NUBPL: variants seen among roughly 807,000 people sequenced by gnomAD.
NUBPL encodes NUBP iron-sulfur cluster assembly factor, mitochondrial, also known as iron-sulfur cluster transfer protein NUBPL.
NUBPL carries 31 observed loss-of-function variants against 45.7 expected under a neutral mutation model. That is an observed-to-expected ratio of 0.68 (90% CI 0.51 to 0.92). NUBPL has a LOEUF of 0.92. NUBPL is among the 40% of genes least tolerant of loss of function. NUBPL has a pLI of 0.00. For synonymous variants in NUBPL, 144 were observed against 140.9 expected, an observed-to-expected ratio of 1.02 and a Z score of -0.15; for missense variants, 401 against 398.7, an observed-to-expected ratio of 1.01 and a Z score of -0.05.
At position 31,617,714 on chromosome 14, in the gene NUBPL, C is replaced by T. The variant is rs116938608; in HGVS notation, c.382+18335C>T. Among the ~76,000 whole-genome samples, 116 of 152,218 alleles carry T rather than the reference C, an allele frequency of 7.6e-4. No homozygotes were observed. The East Asian group carries it at 0.016, about 22-fold the overall frequency. ...TGAGGAATTTCACATCGATGTTCAT[C>T]GGGGATATAGGCTTGAAATTTTCTT... is the stretch of plus-strand genomic sequence containing the variant. On this transcript the variant is annotated intron_variant, in intron 4 of 10. Coordinates refer to ENST00000281081, the MANE Select transcript of NUBPL (RefSeq NM_025152.3).
At chr14:31,595,447 G>A (rs1486433482) in intron 3 of NUBPL, among the ~76,000 whole-genome samples, 1 of 152,152 alleles carries the variant, frequency 6.6e-6, no homozygotes, top group Non-Finnish European at 1.5e-5. Context: ...TTTATCTGTT[G>A]TGTATTTGGT....
intron 6 of NUBPL, among the ~76,000 whole-genome samples, chr14:31,690,506 C>T (rs2037069176): frequency 6.6e-6 from 1 of 152,076 alleles, no homozygotes; most frequent in African/African-American, 2.4e-5. Flanking sequence ...TTAATGTATC[C>T]TCTAGATCAG....
intron 6 of NUBPL, among the ~76,000 whole-genome samples, chr14:31,674,565 C>G (rs139374609): frequency 3.5e-4 from 53 of 152,258 alleles, no homozygotes; most frequent in African/African-American, 1.2e-3. Flanking sequence ...CACCCCATCC[C>G]CACCAATTCC....
chr14:31,649,497 A>G (rs2035943263), intron 4 of NUBPL, among the ~76,000 whole-genome samples: 1 of 152,230 alleles, frequency 6.6e-6, no homozygotes, highest in South Asian at 2.1e-4. Context: ...TAAAATTATA[A>G]ATGATATACG....
intron 6 of NUBPL, among the ~76,000 whole-genome samples, chr14:31,785,257 G>A (rs1278407843): frequency 1.3e-5 from 2 of 152,094 alleles, no homozygotes; most frequent in Non-Finnish European, 2.9e-5. Context: ...TCTAAATCAG[G>A]GACCAAATAA....
intron 6 of NUBPL, among the ~76,000 whole-genome samples, chr14:31,738,823 T>A (rs1020798882): frequency 6.6e-6 from 1 of 152,176 alleles, no homozygotes; most frequent in Non-Finnish European, 1.5e-5. Context: ...AAATTACATT[T>A]TATTGAATAG....
At chr14:31,803,621 C>T (rs117739769) in intron 7 of NUBPL, among the ~76,000 whole-genome samples, 71 of 151,900 alleles carry the variant, frequency 4.7e-4, no homozygotes, top group Non-Finnish European at 7.1e-4. Flanking sequence ...TCAAGCACAC[C>T]GTCTTTCCAT....
intron 6 of NUBPL, among the ~76,000 whole-genome samples, chr14:31,681,743 T>G (rs1278748286): frequency 6.6e-6 from 1 of 152,164 alleles, no homozygotes; most frequent in Non-Finnish European, 1.5e-5. Flanking sequence ...GTGTTTTCAT[T>G]GTCATTCAGT....
chr14:31,785,371 A>G, intron 6 of NUBPL, among the ~76,000 whole-genome samples: 1 of 152,230 alleles, frequency 6.6e-6, no homozygotes, highest in East Asian at 1.9e-4. Context: ...ACAATGGGTT[A>G]GTGAATGAAG....
At chr14:31,859,014 C>T in intron 10 of NUBPL, 104 bp from the exon 11 acceptor site, 1 of 930,946 alleles carries the variant, frequency 1.1e-6, no homozygotes, top group South Asian at 1.4e-5. Flanking sequence ...TCTCACTCAG[C>T]CTTTTTACTA....
intron 7 of NUBPL, among the ~76,000 whole-genome samples, chr14:31,809,149 A>G (rs2039750413): frequency 6.6e-6 from 1 of 152,060 alleles, no homozygotes; most frequent in South Asian, 2.1e-4. Flanking sequence ...GTTAGGGAGG[A>G]TTCCCTCTTT....
At chr14:31,722,469 G>A (rs2037831927) in intron 6 of NUBPL, among the ~76,000 whole-genome samples, 2 of 152,174 alleles carry the variant, frequency 1.3e-5, no homozygotes, top group Non-Finnish European at 2.9e-5. Context: ...TAATGGGATT[G>A]CTGGGTCAAA....
chr14:31,774,898 C>T (rs561033340), intron 6 of NUBPL, among the ~76,000 whole-genome samples: 1 of 152,238 alleles, frequency 6.6e-6, no homozygotes, highest in South Asian at 2.1e-4. Flanking sequence ...CCCTGGAAAC[C>T]AGTCCTCATC....
chr14:31,585,056 C>T (rs1021707462), intron 3 of NUBPL, among the ~76,000 whole-genome samples: 5 of 152,116 alleles, frequency 3.3e-5, no homozygotes, highest in African/African-American at 1.2e-4. Flanking sequence ...ATTCAGTCCA[C>T]AACAGGAGTC....
chr14:31,833,132 C>G (rs952298423), intron 8 of NUBPL, among the ~76,000 whole-genome samples: 1 of 152,068 alleles, frequency 6.6e-6, no homozygotes, highest in Admixed American at 6.5e-5. Flanking sequence ...CTTTGTGAGG[C>G]CGAGGCAGGA....
intron 3 of NUBPL, among the ~76,000 whole-genome samples, chr14:31,566,203 A>G (rs1018267960): frequency 1.3e-5 from 2 of 152,134 alleles, no homozygotes; most frequent in African/African-American, 4.8e-5. Context: ...GTATGTTATC[A>G]GTATATGGAG....
chr14:31,688,274 G>C (rs1365109787), intron 6 of NUBPL, among the ~76,000 whole-genome samples: 8 of 152,090 alleles, frequency 5.3e-5, no homozygotes, highest in African/African-American at 1.7e-4. Flanking sequence ...TGAGTTCGTG[G>C]ACATCATTAA....
At chr14:31,747,198 CGATCTT>C (rs1270960794) in intron 6 of NUBPL, among the ~76,000 whole-genome samples, 1 of 145,342 alleles carries the variant, frequency 6.9e-6, no homozygotes, top group African/African-American at 2.7e-5. Flanking sequence ...TGCAGTGGCA[CGATCTT>C]GGCTTACTGC....
intron 6 of NUBPL, among the ~76,000 whole-genome samples, chr14:31,781,220 A>C (rs138972875): frequency 3.7e-4 from 56 of 152,384 alleles, no homozygotes; most frequent in African/African-American, 1.3e-3. Flanking sequence ...TTCAAAAGCA[A>C]TACAGAAAGT....
Sources: gnomAD v4.1 joint callset for allele counts (sites outside exome capture counted in the v4.1 genomes callset) on GRCh38, gnomAD v4.1.1 for gene constraint, MANE v1.5 for transcripts, NCBI Gene and HGNC (gene_info 2026-07-23, HGNC 2026-07-21) for gene names.